LAD1: variants seen among roughly 807,000 people sequenced by gnomAD.
LAD1 encodes the protein ladinin 1, also known as ladinin-1.
Under a neutral mutation model 54.2 loss-of-function variants are expected in LAD1, and 53 were observed. The ratio of observed to expected loss-of-function variants is 0.98; its 90% CI spans 0.78 to 1.23. The LOEUF is 1.23. LAD1 is among the 50% of genes most tolerant of loss of function. LAD1 has a pLI of 0.00. For synonymous variants in LAD1, 231 were observed against 257.7 expected (o/e 0.90, Z 0.99); for missense variants, 637 against 653.3 (o/e 0.98, Z 0.27).
At chr1:201,385,429 G>A (rs1447107946) in intron 4 of LAD1, among the ~76,000 whole-genome samples, 1 of 152,162 alleles carries the variant, frequency 6.6e-6, no homozygotes, top group African/African-American at 2.4e-5. Flanking sequence ...TGCAGCCCAG[G>A]GCCAGCCCTG....
chr1:201,394,926 C>A (rs1662262697), intron 1 of LAD1, among the ~76,000 whole-genome samples: 1 of 152,226 alleles, frequency 6.6e-6, no homozygotes. Flanking sequence ...CCACCCTCAG[C>A]CCTTGGGGAA....
intron 2 of LAD1, among the ~76,000 whole-genome samples, chr1:201,388,389 A>G (rs1203298454): frequency 6.7e-6 from 1 of 148,386 alleles, no homozygotes; most frequent in Non-Finnish European, 1.5e-5. Flanking sequence ...CTCCATCTCA[A>G]AAAAAAAAAA....
intron 7 of LAD1, 108 bp downstream of exon 7, chr1:201,382,966 T>C (rs1037197555): frequency 8.3e-6 from 11 of 1,321,578 alleles, no homozygotes; most frequent in Middle Eastern, 2.7e-4. Flanking sequence ...CTGCCAACAT[T>C]AATTGACACA....
At chr1:201,393,656 A>C (rs1662234547) in intron 1 of LAD1, among the ~76,000 whole-genome samples, 1 of 151,828 alleles carries the variant, frequency 6.6e-6, no homozygotes, top group Non-Finnish European at 1.5e-5. Context: ...TGAGGCAAGA[A>C]AATGGCTAGA....
chr1:201,396,956 C>T (rs960851493), intron 1 of LAD1, among the ~76,000 whole-genome samples: 15 of 152,326 alleles, frequency 9.8e-5, no homozygotes, highest in African/African-American at 2.4e-4. Flanking sequence ...TCACCCCCTG[C>T]AGACAGGCCT....
Position 201,386,713 on chromosome 1 carries a change from C to A in LAD1, c.648G>T (p.Glu216Asp), listed in dbSNP as rs1424984770. ...TTCTTTTCTCTGACACTGCTATCTT[C>A]TCTGATAGAGATGTCTTCTCTGAGG... ...VLASEKTSLS[E>D]KIAVSEKRNS... Residue 216 changes from glutamate to aspartate, a missense_variant, in exon 3 of 10, where the codon GAG (glutamate) becomes GAT (aspartate). Glu to Asp is a conservative substitution (Grantham distance 45). Coordinates refer to ENST00000391967, the MANE Select transcript of LAD1 (RefSeq NM_005558.4). 12 of 1,614,100 alleles carry A rather than the reference C, an allele frequency of 7.4e-6. No individual in the cohort carries two copies. Among genetic ancestry groups the A allele is most frequent in the Non-Finnish European group, 1.0e-5 (12 of 1,180,048 alleles).
At chr1:201,387,302 C>T in intron 2 of LAD1, 124 bp from the exon 3 acceptor site, 1 of 964,556 alleles carries the variant, frequency 1.0e-6, no homozygotes, top group Non-Finnish European at 1.4e-6. Context: ...GCCCTGGCCT[C>T]CCCGGCTCAC....
chr1:201,395,295 G>T (rs1380443682), intron 1 of LAD1, among the ~76,000 whole-genome samples: 1 of 152,220 alleles, frequency 6.6e-6, no homozygotes, highest in East Asian at 1.9e-4. Context: ...AGTGGGTACA[G>T]CTGTTGAAAC....
intron 7 of LAD1, 89 bp from the exon 8 acceptor site, chr1:201,382,828 C>CAT: frequency 1.9e-6 from 2 of 1,061,132 alleles, no homozygotes; most frequent in Non-Finnish European, 1.4e-6. Context: ...AGGACTCTCC[C>CAT]TCACTCCCCT....
chr1:201,382,440 A>G, intron 8 of LAD1, 114 bp from the exon 9 acceptor site: 2 of 932,148 alleles, frequency 2.1e-6, no homozygotes, highest in Non-Finnish European at 1.7e-6. Context: ...CAAAAGAGAA[A>G]AGGAACCCAG....
intron 1 of LAD1, among the ~76,000 whole-genome samples, chr1:201,397,534 G>A (rs1046314194): frequency 6.6e-6 from 1 of 152,060 alleles, no homozygotes; most frequent in African/African-American, 2.4e-5. Context: ...AAGTTCCAGT[G>A]CCCCAGCTGC....
chr1:201,395,705 G>C (rs1408260730), intron 1 of LAD1, among the ~76,000 whole-genome samples: 1 of 152,164 alleles, frequency 6.6e-6, no homozygotes, highest in Non-Finnish European at 1.5e-5. Flanking sequence ...GTTGCAGTGA[G>C]CCAAGATCAT....
Position 201,386,906 on chromosome 1 carries a change from C to T in LAD1, c.455G>A (p.Gly152Asp), listed in dbSNP as rs1452635249. The part of the protein sequence containing the change: ...PRRRLSREQR[G>D]PWALEEESLV... ...GCTCTCCTCCTCCAGGGCCCAGGGG[C>T]CCCGCTGTTCCCGACTCAGTCTCCG... The change falls in exon 3 of 10, where the codon GGC (glycine) becomes GAC (aspartate). Residue 152 changes from glycine (G) to aspartate (D), a missense_variant. Coordinates refer to ENST00000391967, the MANE Select transcript of LAD1 (RefSeq NM_005558.4). The T allele has an allele frequency of 1.2e-6, 2 of 1,613,630 alleles. No individual in the cohort carries two copies. The highest frequency in any genetic ancestry group is 1.3e-5 in the African/African-American group (1 of 74,870).
At chr1:201,386,283 G>C in intron 3 of LAD1, 52 bp downstream of exon 3, 1 of 1,398,842 alleles carries the variant, frequency 7.1e-7, no homozygotes, top group South Asian at 1.9e-5. Flanking sequence ...CTGGCCGGCA[G>C]TGCCAGCCAG....
chr1:201,382,210 G>A (rs368123612), intron 9 of LAD1, 42 bp downstream of exon 9: 45 of 1,491,940 alleles, frequency 3.0e-5, no homozygotes, highest in East Asian at 1.4e-4. Context: ...ACAGTACACC[G>A]TGGCCCTCCG....
chr1:201,398,995 G>A (rs1168817252), intron 1 of LAD1, among the ~76,000 whole-genome samples: 6 of 152,248 alleles, frequency 3.9e-5, no homozygotes, highest in Admixed American at 3.3e-4. Flanking sequence ...ACCTTCCACA[G>A]GGGGGGCCAT....
intron 1 of LAD1, among the ~76,000 whole-genome samples, chr1:201,391,527 G>A (rs1439713785): frequency 6.6e-6 from 1 of 152,168 alleles, no homozygotes; most frequent in Non-Finnish European, 1.5e-5. Context: ...AACTGTGTGG[G>A]CATCACAGAA....
At chr1:201,390,956 T>C (rs969531460) in intron 1 of LAD1, 7 of 364,916 alleles carry the variant, frequency 1.9e-5, no homozygotes, top group African/African-American at 6.4e-5. Flanking sequence ...CTTTCTCTTT[T>C]TGGTCCTGGG....
At chr1:201,391,825 G>T (rs941291605) in intron 1 of LAD1, among the ~76,000 whole-genome samples, 1 of 152,214 alleles carries the variant, frequency 6.6e-6, no homozygotes, top group Non-Finnish European at 1.5e-5. Context: ...GGAGACAGGA[G>T]GGGGTGTGAG....
Sources: allele counts gnomAD v4.1 joint callset (sites outside exome capture counted in the v4.1 genomes callset), GRCh38; gene constraint gnomAD v4.1.1; transcripts MANE v1.5; gene names NCBI Gene and HGNC (gene_info 2026-07-23, HGNC 2026-07-21).